The following LATS2 variants were observed in gnomAD, a reference collection of about 807,000 sequenced individuals.
The protein encoded by LATS2 is serine/threonine-protein kinase LATS2.
LATS2 carries 24 observed loss-of-function variants against 76.0 expected under a neutral mutation model. The ratio of observed to expected loss-of-function variants is 0.32; its 90% confidence interval spans 0.23 to 0.44. LATS2 has a LOEUF of 0.44. Ranked by LOEUF, LATS2 falls within the 20% of genes least tolerant of loss-of-function variation. LATS2 has a pLI of 1.00. For synonymous variants in LATS2, 692 were observed against 635.4 expected, an observed-to-expected ratio of 1.09 and a Z score of -1.34; for missense variants, 1,286 against 1,481.2, an observed-to-expected ratio of 0.87 and a Z score of 2.16.
chr13:21,038,831 T>A (rs1306671224), intron 2 of LATS2, among the ~76,000 whole-genome samples: 1 of 152,038 alleles, frequency 6.6e-6, no homozygotes, highest in African/African-American at 2.4e-5. Context: ...ACAAAAAAAT[T>A]AGCCGGGCGT....
At chr13:21,007,204 T>C (rs150689681) in intron 2 of LATS2, among the ~76,000 whole-genome samples, 1 of 152,136 alleles carries the variant, frequency 6.6e-6, no homozygotes, top group African/African-American at 2.4e-5. Context: ...TTAAGTTATA[T>C]TTCCAAAGGC....
At chr13:20,996,184 A>G (rs529636395) in intron 2 of LATS2, among the ~76,000 whole-genome samples, 2 of 152,212 alleles carry the variant, frequency 1.3e-5, no homozygotes, top group African/African-American at 4.8e-5. Context: ...CACTTCCTTC[A>G]TCAGTGACCA....
intron 2 of LATS2, among the ~76,000 whole-genome samples, chr13:21,008,880 A>G (rs540393587): frequency 1.3e-3 from 194 of 152,364 alleles, no homozygotes; most frequent in Non-Finnish European, 2.4e-3. Context: ...GACATAAAAA[A>G]GAATACTCAC....
chr13:21,004,321 C>T (rs1445013074), intron 2 of LATS2, among the ~76,000 whole-genome samples: 6 of 151,752 alleles, frequency 4.0e-5, no homozygotes, highest in African/African-American at 1.5e-4. Context: ...GTAATCCCAG[C>T]TACTCGGGAG....
In LATS2 at chr13:21,046,083, T is replaced by A. The variant is rs61240127; in HGVS notation, c.-57A>T. On this transcript the variant is annotated 5_prime_UTR_variant, in exon 2 of 8. Coordinates refer to ENST00000382592, the MANE Select transcript of LATS2 (RefSeq NM_014572.3). ...AATCTTCTTAAAGTGTTTTATTATT[T>A]AAAAAAAAAAACTGTCAATAGTATC... 2.5e-4 allele frequency: 245 copies of A among 984,660 alleles called. 1 individual carries two copies. Among genetic ancestry groups the A allele is most frequent in the African/African-American group, 1.6e-3 (97 of 59,038 alleles). The allele number at this position is 984,660 out of a possible 1,614,324, so 61.0% of individuals were successfully genotyped here.
Position 20,988,352 on chromosome 13 carries a change from G to GGCGGGT in LATS2, c.1427_1428insACCCGC (p.Pro479_Ala480dup). On this transcript the variant is annotated inframe_insertion, in exon 4 of 8. Coordinates refer to ENST00000382592, the MANE Select transcript of LATS2 (RefSeq NM_014572.3). Reference sequence around the variant, plus strand: ...CCAAGCCCTCCGCAGCCGGGGCGGGGGCGGGGGCGGGGGCCGGGGCAGGCG... The same window carrying GGCGGGT: ...CCAAGCCCTCCGCAGCCGGGGCGGGGGCGGGTGCGGGGGCGGGGGCCGGGGCAGGCG... 1 of 1,368,352 alleles carries GGCGGGT rather than the reference G, an allele frequency of 7.3e-7. No homozygotes were observed. Among genetic ancestry groups the GGCGGGT allele is most frequent in the Non-Finnish European group, 9.4e-7 (1 of 1,069,294 alleles). The allele number at this position is 1,368,352 out of a possible 1,614,324, so 84.8% of individuals were successfully genotyped here. A position where few individuals can be genotyped will look rare whatever the true frequency, so the allele number is the denominator to read the frequency against.
chr13:20,993,638 G>A (rs989817999), intron 2 of LATS2, among the ~76,000 whole-genome samples: 5 of 152,068 alleles, frequency 3.3e-5, no homozygotes, highest in African/African-American at 4.8e-5. Context: ...TTAAAGTGGC[G>A]CCTGGACTAC....
intron 2 of LATS2, among the ~76,000 whole-genome samples, chr13:21,019,291 TG>T (rs1380288472): frequency 7.7e-6 from 1 of 130,036 alleles, no homozygotes; most frequent in Non-Finnish European, 1.6e-5. Context: ...TATTCTCACT[TG>T]GATTTGTTAT....
In LATS2 at chr13:20,974,977, G is replaced by A; in HGVS notation, c.3160C>T (p.Arg1054Ter). The A allele has an allele frequency of 1.9e-6, 3 of 1,614,210 alleles. No individual in the cohort carries two copies. Among genetic ancestry groups the A allele is most frequent in the South Asian group, 1.1e-5 (1 of 91,084 alleles). Residue 1054 changes from arginine (R) to a stop codon, truncating the protein, a stop_gained, in exon 8 of 8, where the codon CGA becomes TGA. Coordinates refer to ENST00000382592, the MANE Select transcript of LATS2 (RefSeq NM_014572.3). LOFTEE classifies it low-confidence loss of function (END_TRUNC). ...RFFDDNGYPF[R>*]CPKPSGAEAS... Reference sequence around the variant, plus strand: ...TCTGCTCCTGAAGGCTTTGGGCATCGAAAGGGGTAGCCATTGTCATCAAAG... The same window carrying A: ...TCTGCTCCTGAAGGCTTTGGGCATCAAAAGGGGTAGCCATTGTCATCAAAG...
chr13:21,027,541 C>A (rs953304714), intron 2 of LATS2, among the ~76,000 whole-genome samples: 5 of 152,250 alleles, frequency 3.3e-5, no homozygotes, highest in Middle Eastern at 3.4e-3. Context: ...TAGTAAGTCC[C>A]ATGTAAGTGT....
chr13:21,055,160 A>T (rs1873411012), intron 1 of LATS2, among the ~76,000 whole-genome samples: 1 of 152,212 alleles, frequency 6.6e-6, no homozygotes, highest in South Asian at 2.1e-4. Flanking sequence ...TTTTGAAAGA[A>T]TTTTCATGAG....
At chr13:20,977,385 C>CAAAA (rs112150926) in intron 7 of LATS2, among the ~76,000 whole-genome samples, 1 of 81,828 alleles carries the variant, frequency 1.2e-5, no homozygotes, top group Non-Finnish European at 2.8e-5. Flanking sequence ...AACCCTGTCT[C>CAAAA]AAAAAAAAAA....
intron 7 of LATS2, among the ~76,000 whole-genome samples, chr13:20,978,132 G>A (rs193114497): frequency 1.4e-3 from 216 of 152,222 alleles, no homozygotes; most frequent in African/African-American, 4.9e-3. Flanking sequence ...GGCCAGGCTA[G>A]TCTCGATCTC....
chr13:21,029,575 G>A (rs563732534), intron 2 of LATS2, among the ~76,000 whole-genome samples: 6 of 152,260 alleles, frequency 3.9e-5, no homozygotes, highest in East Asian at 3.9e-4. Context: ...GGCGTATCAC[G>A]AGGTCAGGAG....
chr13:21,025,865 T>C (rs1872292938), intron 2 of LATS2, among the ~76,000 whole-genome samples: 1 of 152,186 alleles, frequency 6.6e-6, no homozygotes, highest in South Asian at 2.1e-4. Context: ...CCTGTACGTC[T>C]GGGTTGATTT....
chr13:20,983,192 A>G, intron 5 of LATS2, 32 bp downstream of exon 5: 1 of 1,482,336 alleles, frequency 6.7e-7, no homozygotes, highest in Non-Finnish European at 9.3e-7. Context: ...ATCTACACAT[A>G]GAAAGTGCAT....
intron 2 of LATS2, among the ~76,000 whole-genome samples, chr13:21,001,423 C>G (rs1310898101): frequency 6.6e-6 from 1 of 152,218 alleles, no homozygotes; most frequent in Non-Finnish European, 1.5e-5. Context: ...TTCCCCTCCC[C>G]TTGAATATTG....
chr13:21,016,581 G>C (rs951586004), intron 2 of LATS2, among the ~76,000 whole-genome samples: 8 of 152,134 alleles, frequency 5.3e-5, no homozygotes, highest in Non-Finnish European at 1.2e-4. Flanking sequence ...TGCTCAGCCA[G>C]TTCATTCCTT....
At chr13:21,000,577 T>C (rs113222296) in intron 2 of LATS2, among the ~76,000 whole-genome samples, 32 of 152,300 alleles carry the variant, frequency 2.1e-4, no homozygotes, top group African/African-American at 7.0e-4. Context: ...ATTTCCATAA[T>C]GATGTCTGTC....
Sources: allele counts gnomAD v4.1 joint callset (sites outside exome capture counted in the v4.1 genomes callset), GRCh38; gene constraint gnomAD v4.1.1; transcripts MANE v1.5; gene names NCBI Gene and HGNC (gene_info 2026-07-23, HGNC 2026-07-21).